KATNB1: variants seen among roughly 807,000 people sequenced by gnomAD.
KATNB1 encodes the protein katanin p80 WD40 repeat-containing subunit B1.
In KATNB1, 38 loss-of-function variants were observed where a neutral mutation model predicts 82.3. The ratio of observed to expected loss-of-function variants is 0.46; its 90% CI spans 0.36 to 0.61. The LOEUF is 0.61. Ranked by LOEUF, KATNB1 falls within the 20% of genes least tolerant of loss-of-function variation. The probability of loss-of-function intolerance (pLI) is 0.00; values close to 1 mark genes in which losing one functional copy is unlikely to be tolerated. For synonymous variants in KATNB1, 361 were observed against 368.7 expected (o/e 0.98, Z 0.24); for missense variants, 749 against 915.7 (o/e 0.82, Z 2.35).
Position 57,744,458 on chromosome 16 carries a change from T to C in KATNB1, c.236T>C (p.Val79Ala), listed in dbSNP as rs2049168053. The change falls in exon 4 of 20, where the codon GTG becomes GCG. Residue 79 changes from valine (V) to alanine (A), a missense_variant. By Grantham distance (64) the Val-to-Ala change is moderately conservative. Coordinates refer to ENST00000379661, the MANE Select transcript of KATNB1 (RefSeq NM_005886.3). ...VRLNTPEELI[V>A]AGSQSGSIRV... ...CTCAACACCCCCGAGGAGCTCATCG[T>C]GGCCGGCTCTCAGTCGGGCTCCATC... 1.2e-6 allele frequency: 2 copies of C among 1,613,982 alleles called. No homozygotes were observed. The highest frequency in any genetic ancestry group is 1.7e-5 in the Admixed American group (1 of 60,010).
chr16:57,754,188 G>A (rs1481028583), intron 13 of KATNB1, among the ~76,000 whole-genome samples, 193 bp downstream of exon 13: 5 of 152,088 alleles, frequency 3.3e-5, no homozygotes, highest in Admixed American at 6.5e-5. Flanking sequence ...TAGTGCCCCC[G>A]TAGGAGCCTG....
intron 4 of KATNB1, among the ~76,000 whole-genome samples, chr16:57,745,724 C>G (rs949462759): frequency 6.6e-6 from 1 of 152,180 alleles, no homozygotes; most frequent in Non-Finnish European, 1.5e-5. Flanking sequence ...AATGTAAGGA[C>G]GCATAAGTGT....
At chr16:57,756,219 T>C in intron 18 of KATNB1, 137 bp from the exon 19 acceptor site, 1 of 1,129,024 alleles carries the variant, frequency 8.9e-7, no homozygotes, top group South Asian at 1.4e-5. Flanking sequence ...GAGGTGGGAG[T>C]GGAAACAGGC....
chr16:57,743,148 C>T (rs1555580236), intron 3 of KATNB1, among the ~76,000 whole-genome samples: 1 of 152,160 alleles, frequency 6.6e-6, no homozygotes, highest in Non-Finnish European at 1.5e-5. Flanking sequence ...CAAAAATTAG[C>T]CGGGCGTGGT....
intron 4 of KATNB1, among the ~76,000 whole-genome samples, 165 bp from the exon 5 acceptor site, chr16:57,750,662 G>A (rs952491379): frequency 1.3e-5 from 2 of 152,134 alleles, no homozygotes; most frequent in South Asian, 4.2e-4. Context: ...TTGTTAGGGT[G>A]GTGGGACCCT....
chr16:57,746,118 A>T (rs1357163408), intron 4 of KATNB1, among the ~76,000 whole-genome samples: 2 of 152,186 alleles, frequency 1.3e-5, no homozygotes, highest in Non-Finnish European at 2.9e-5. Context: ...GTTTTGGAGA[A>T]CTTCCATGGC....
chr16:57,744,095 C>G (rs1440909130), intron 3 of KATNB1, among the ~76,000 whole-genome samples: 6 of 152,344 alleles, frequency 3.9e-5, no homozygotes, highest in African/African-American at 1.4e-4. Context: ...TCCAGTCGCT[C>G]CCCTCCAAGG....
In KATNB1 at chr16:57,755,149, G is replaced by A; in HGVS notation, c.1327G>A (p.Ala443Thr). The A allele has an allele frequency of 6.2e-7, 1 of 1,612,682 alleles. No individual in the cohort carries two copies. Among genetic ancestry groups the A allele is most frequent in the Middle Eastern group, 1.6e-4 (1 of 6,062 alleles). The change falls in exon 15 of 20, where the codon GCT (alanine) becomes ACT (threonine). Residue 443 changes from alanine (A) to threonine (T), a missense_variant. Ala to Thr is a moderately conservative substitution (Grantham distance 58). This residue lies in a region of KATNB1 where 407 missense variants were observed against 434.7 expected (regional missense o/e 0.94). Coordinates refer to ENST00000379661, the MANE Select transcript of KATNB1 (RefSeq NM_005886.3). ...LEVLPRPPVV[A>T]STPAPKAEPA... is the part of the protein sequence containing the mutation. The stretch of plus-strand genomic sequence containing the variant: ...GGTCCTGCCCCGGCCCCCAGTGGTT[G>A]CTTCCACACCTGCACCCAAGGCTGA...
In KATNB1 at chr16:57,741,722, CT is replaced by C; in HGVS notation, c.77del (p.Leu26ArgfsTer32). The C allele has an allele frequency of 6.2e-7, 1 of 1,614,154 alleles. No homozygotes were observed. The highest frequency in any genetic ancestry group is 8.5e-7 in the Non-Finnish European group (1 of 1,180,032). ...CGCGCATGCCAGCAACGTGTCCTCA[CT>C]GGTGCTGGGCAAAGCCTCCGGGCGG... Reference protein sequence around the residue: ...IVAHASNVSSLVLGKASGRLL... With the variant: ...IVAHASNVSSXVLGKASGRLL... On this transcript the variant is annotated frameshift_variant, in exon 3 of 20. Coordinates refer to ENST00000379661, the MANE Select transcript of KATNB1 (RefSeq NM_005886.3). LOFTEE classifies it high-confidence loss of function.
intron 1 of KATNB1, among the ~76,000 whole-genome samples, chr16:57,736,486 G>A (rs557054714): frequency 6.6e-6 from 1 of 152,272 alleles, no homozygotes; most frequent in African/African-American, 2.4e-5. Context: ...ATCGCAGGGA[G>A]CAGGAGCGGT....
intron 4 of KATNB1, among the ~76,000 whole-genome samples, chr16:57,747,954 T>C (rs2049195653): frequency 6.6e-6 from 1 of 152,134 alleles, no homozygotes; most frequent in South Asian, 2.1e-4. Flanking sequence ...CACAAGGAAC[T>C]CATTACGAAC....
chr16:57,756,257 T>C, intron 18 of KATNB1, 99 bp from the exon 19 acceptor site: 2 of 1,186,102 alleles, frequency 1.7e-6, no homozygotes, highest in South Asian at 1.3e-5. Context: ...TGGGTGTGTC[T>C]GTGTCTGTTT....
In KATNB1 at chr16:57,751,755, C is replaced by T; in HGVS notation, c.516+31C>T. On this transcript the variant is annotated intron_variant, in intron 7 of 19. Coordinates refer to ENST00000379661, the MANE Select transcript of KATNB1 (RefSeq NM_005886.3). This position sits in a 1 kb window ranked among gnomAD's most constrained non-coding sequence, Gnocchi z 6.3. ...TCCCGGCCTGACCTGGGCCCAGGGG[C>T]TGGGGGCTGGGGTCTGCTGATCACA... 1.3e-6 allele frequency: 2 copies of T among 1,593,578 alleles called. No individual in the cohort carries two copies. The highest frequency in any genetic ancestry group is 2.2e-5 in the South Asian group (2 of 90,768).
intron 4 of KATNB1, among the ~76,000 whole-genome samples, chr16:57,748,296 C>T (rs1003163667): frequency 2.6e-5 from 4 of 152,020 alleles, no homozygotes; most frequent in Admixed American, 2.0e-4. Flanking sequence ...CAGTGACAGA[C>T]AGGCAAATTG....
At chr16:57,744,217 C>T (rs1175464467) in intron 3 of KATNB1, among the ~76,000 whole-genome samples, 177 bp from the exon 4 acceptor site, 1 of 152,090 alleles carries the variant, frequency 6.6e-6, no homozygotes, top group Non-Finnish European at 1.5e-5. Flanking sequence ...GAGCTGAGGC[C>T]GAGAGGAGTA....
chr16:57,751,898 A>G lies in KATNB1; in HGVS notation c.517-42A>G. 4.6e-6 allele frequency: 7 copies of G among 1,524,754 alleles called. No individual in the cohort carries two copies. The highest frequency in any genetic ancestry group is 6.4e-6 in the Non-Finnish European group (7 of 1,102,006). 94.5% of individuals were successfully genotyped at this position (1,524,754 alleles called of 1,614,324 possible). On this transcript the variant is annotated intron_variant, in intron 7 of 19. Coordinates refer to ENST00000379661, the MANE Select transcript of KATNB1 (RefSeq NM_005886.3). The surrounding 1 kb of genome is among the most constrained non-coding windows in gnomAD (Gnocchi z 6.3). ...GGATTAGAGGGAGGGTGGGCAGCCA[A>G]GATGCCTGGTCACCCTGACCTCCTC... is the stretch of plus-strand genomic sequence containing the variant.
At chr16:57,755,583 C>A in intron 16 of KATNB1, 89 bp downstream of exon 16, 1 of 1,515,354 alleles carries the variant, frequency 6.6e-7, no homozygotes. Context: ...AAGAAGAGGC[C>A]ACCCATGGGG....
Position 57,757,072 on chromosome 16 carries a change from TGGA to T in KATNB1, c.*132_*134del, listed in dbSNP as rs2049299375. 3.6e-6 allele frequency: 4 copies of T among 1,117,976 alleles called. No individual in the cohort carries two copies. The highest frequency in any genetic ancestry group is 4.7e-6 in the Non-Finnish European group (4 of 845,082). The allele number at this position is 1,117,976 out of a possible 1,614,324, so 69.3% of individuals were successfully genotyped here. A position where few individuals can be genotyped will look rare whatever the true frequency, so the allele number is the denominator to read the frequency against. On this transcript the variant is annotated 3_prime_UTR_variant, in exon 20 of 20. Transcript: ENST00000379661. ...CCCTGCTGCTGTCCTGTGGCCGTCC[TGGA>T]GGAGGTGATGCTGGTCCCTGGCCAC...
At chr16:57,743,191 G>T (rs932138031) in intron 3 of KATNB1, among the ~76,000 whole-genome samples, 1 of 152,250 alleles carries the variant, frequency 6.6e-6, no homozygotes, top group Non-Finnish European at 1.5e-5. Flanking sequence ...TACTCAGGAG[G>T]CTGAGGCAGG....
Sources: gnomAD v4.1 joint callset for allele counts (sites outside exome capture counted in the v4.1 genomes callset) on GRCh38, gnomAD v4.1.1 for gene constraint, gnomAD v4.1.1 regional missense constraint, Gnocchi (gnomAD v3.1) non-coding constraint, MANE v1.5 for transcripts, NCBI Gene and HGNC (gene_info 2026-07-23, HGNC 2026-07-21) for gene names.